The following CFAP46 variants were observed in gnomAD, a reference collection of about 807,000 sequenced individuals.
CFAP46 encodes cilia and flagella associated protein 46.
A neutral mutation model predicts 325.7 loss-of-function variants in CFAP46; 245 were observed. The ratio of observed to expected loss-of-function variants is 0.75; its 90% CI spans 0.68 to 0.84. The LOEUF (loss-of-function observed/expected upper bound fraction) is 0.84. CFAP46 is among the 40% of genes least tolerant of loss of function. CFAP46 has a pLI of 0.00. For missense variants in CFAP46, 3,346 were observed against 3,543.0 expected, an observed-to-expected ratio of 0.94 and a Z score of 1.41; for synonymous variants, 1,523 against 1,495.9, an observed-to-expected ratio of 1.02 and a Z score of -0.42.
At chr10:132,860,172 A>G (rs1342335334) in intron 37 of CFAP46, among the ~76,000 whole-genome samples, 1 of 152,246 alleles carries the variant, frequency 6.6e-6, no homozygotes. Flanking sequence ...AAGGCCCTGA[A>G]GTTGACTTTC....
intron 39 of CFAP46, among the ~76,000 whole-genome samples, chr10:132,854,296 T>A (rs1183230275): frequency 6.6e-6 from 1 of 151,962 alleles, no homozygotes; most frequent in Non-Finnish European, 1.5e-5. Flanking sequence ...TTCAAATCTT[T>A]GGCATTTCGT....
Position 132,890,278 on chromosome 10 carries a change from C to T in CFAP46, c.3304+2055G>A, listed in dbSNP as rs189361747. Among the ~76,000 whole-genome samples, 284 of 152,278 alleles carry T rather than the reference C, an allele frequency of 1.9e-3. 1 individual carries two copies. The highest frequency in any genetic ancestry group is 6.5e-3 in the African/African-American group (270 of 41,538). ...CTGAAGGGGTCTGGGCTGCCTTCTGCCTCCCCAGTGCCCTGATCCACATCT... is the reference window on the plus strand; with the variant it reads ...CTGAAGGGGTCTGGGCTGCCTTCTGTCTCCCCAGTGCCCTGATCCACATCT... On this transcript the variant is annotated intron_variant, in intron 25 of 57. Transcript: ENST00000368586.
At chr10:132,927,041 A>C (rs1849821894) in intron 9 of CFAP46, among the ~76,000 whole-genome samples, 1 of 151,756 alleles carries the variant, frequency 6.6e-6, no homozygotes, top group Non-Finnish European at 1.5e-5. Context: ...GAAGAAGGGC[A>C]CTCTACCTCT....
At chr10:132,829,537 C>T (rs1037108622) in intron 50 of CFAP46, among the ~76,000 whole-genome samples, 3 of 152,210 alleles carry the variant, frequency 2.0e-5, no homozygotes, top group African/African-American at 7.2e-5. Context: ...TTCTTCCTGC[C>T]TCTCTACTCC....
In CFAP46 at chr10:132,922,718, T is replaced by G; in HGVS notation, c.1257-10A>C. The G allele has an allele frequency of 6.5e-7, 1 of 1,541,342 alleles. No homozygotes were observed. The highest frequency in any genetic ancestry group is 8.8e-7 in the Non-Finnish European group (1 of 1,140,102). ...GAGAAGCGTCATGAGGCTGCGGGGG[T>G]GGCGTGGCATCAGGGGCCCTGGCGG... is the stretch of plus-strand genomic sequence containing the variant. On this transcript the variant is annotated splice_polypyrimidine_tract_variant and intron_variant, in intron 11 of 57. Coordinates refer to ENST00000368586, the MANE Select transcript of CFAP46 (RefSeq NM_001200049.3).
intron 17 of CFAP46, among the ~76,000 whole-genome samples, chr10:132,914,852 C>T (rs1280852243): frequency 1.3e-5 from 2 of 152,234 alleles, no homozygotes; most frequent in South Asian, 4.1e-4. Context: ...ACTGCAGCTC[C>T]CTTGAGCCTC....
At chr10:132,907,745 G>A (rs1344986436) in intron 22 of CFAP46, among the ~76,000 whole-genome samples, 3 of 152,172 alleles carry the variant, frequency 2.0e-5, no homozygotes, top group Non-Finnish European at 2.9e-5. Flanking sequence ...GGTGGCCTTT[G>A]ATGGCCTTTG....
At chr10:132,826,871 A>C (rs117496442) in intron 50 of CFAP46, among the ~76,000 whole-genome samples, 2,118 of 152,248 alleles carry the variant, frequency 0.014, 20 homozygotes, top group South Asian at 0.046. Context: ...GTGAGGTGAT[A>C]AAAGGCCCTG....
chr10:132,912,937 C>T, intron 18 of CFAP46, 109 bp downstream of exon 18: 1 of 1,487,552 alleles, frequency 6.7e-7, no homozygotes. Context: ...CCACGACCCT[C>T]CTCTGCTGGG....
At position 132,877,100 on chromosome 10, in the gene CFAP46, G is replaced by C. The variant is rs1003772736; in HGVS notation, c.4213-139C>G. Reference sequence around the variant, plus strand: ...ATCCTCCCCACCACCAGGTCCCAGCGAGTGCCCAGATCCAGCCTCTGATAC... The same window carrying C: ...ATCCTCCCCACCACCAGGTCCCAGCCAGTGCCCAGATCCAGCCTCTGATAC... On this transcript the variant is annotated intron_variant, in intron 30 of 57. Transcript: ENST00000368586. The surrounding 1 kb of genome is among the most constrained non-coding windows in gnomAD (Gnocchi z 5.7). 1.3e-6 allele frequency: 1 copy of C among 782,278 alleles called. No individual in the cohort carries two copies. Among genetic ancestry groups the C allele is most frequent in the African/African-American group, 1.7e-5 (1 of 57,170 alleles). 48.5% of individuals were successfully genotyped at this position (782,278 alleles called of 1,614,324 possible).
At chr10:132,941,900 C>A in intron 2 of CFAP46, 80 bp downstream of exon 2, 1 of 1,530,518 alleles carries the variant, frequency 6.5e-7, no homozygotes, top group Non-Finnish European at 8.8e-7. Flanking sequence ...CCCAGCCCCA[C>A]TCTGCATCCG....
intron 19 of CFAP46, among the ~76,000 whole-genome samples, 197 bp downstream of exon 19, chr10:132,912,451 CTCTCTCT>C (rs1278755441): frequency 6.9e-6 from 1 of 144,208 alleles, no homozygotes; most frequent in African/African-American, 2.6e-5. Context: ...TCTCCTCTCT[CTCTCTCT>C]TCACCTCTCT....
intron 34 of CFAP46, 116 bp from the exon 35 acceptor site, chr10:132,866,287 A>C (rs2135275599): frequency 9.1e-7 from 1 of 1,103,404 alleles, no homozygotes; most frequent in Non-Finnish European, 1.2e-6. Flanking sequence ...ACACCACACC[A>C]AGGGCTCCCT....
Position 132,828,322 on chromosome 10 carries a change from G to A in CFAP46, c.7117+5036C>T, listed in dbSNP as rs1475126770. ...CCAGCATTCACCATTCCCACCAGCC[G>A]AGTATGAGGGTTCCGGTTCCACACC... On this transcript the variant is annotated intron_variant, in intron 50 of 57. Transcript: ENST00000368586. The surrounding 1 kb of genome is among the most constrained non-coding windows in gnomAD (Gnocchi z 4.9). Among the ~76,000 whole-genome samples, 5 of 152,312 alleles carry A rather than the reference G, an allele frequency of 3.3e-5. No individual in the cohort carries two copies. The highest frequency in any genetic ancestry group is 2.1e-4 in the South Asian group (1 of 4,824).
At chr10:132,911,562 A>C (rs927060422) in intron 19 of CFAP46, among the ~76,000 whole-genome samples, 2 of 152,178 alleles carry the variant, frequency 1.3e-5, no homozygotes, top group African/African-American at 2.4e-5. Context: ...CCCTTGACTC[A>C]TTAGGAAACC....
At position 132,863,343 on chromosome 10, in the gene CFAP46, T is replaced by C. The variant is rs182398558; in HGVS notation, c.4891-2361A>G. 5.9e-5 allele frequency among the ~76,000 whole-genome samples: 9 copies of C among 152,232 alleles called. No homozygotes were observed. The East Asian group carries it at 1.5e-3, about 26-fold the overall frequency. ...AGGAGCTCTTCCACACCTCCAGCCC[T>C]GCGGCCCCAGCAGAGGCTGGCCCTC... On this transcript the variant is annotated intron_variant, in intron 35 of 57. Coordinates refer to ENST00000368586, the MANE Select transcript of CFAP46 (RefSeq NM_001200049.3).
chr10:132,854,019 C>T (rs1460387181), intron 39 of CFAP46, among the ~76,000 whole-genome samples: 3 of 152,126 alleles, frequency 2.0e-5, no homozygotes, highest in African/African-American at 7.2e-5. Context: ...TCGATTGCCC[C>T]TCAGATCTTT....
intron 37 of CFAP46, among the ~76,000 whole-genome samples, 160 bp downstream of exon 37, chr10:132,860,257 C>T (rs1272092093): frequency 2.0e-5 from 3 of 152,252 alleles, no homozygotes; most frequent in African/African-American, 7.2e-5. Flanking sequence ...CAGGAAACTT[C>T]TGGAGCTTTC....
rs1201301207 is a variant in CFAP46 at position 132,833,485 on chromosome 10, G to A, written c.6990C>T (p.Val2330=). 32 of 1,613,932 alleles carry A rather than the reference G, an allele frequency of 2.0e-5. No homozygotes were observed. In the East Asian group the frequency reaches 3.3e-4, roughly 17 times the overall value. The change falls in exon 50 of 58, where the codon GTC becomes GTT. Residue 2330 remains valine (V), a synonymous_variant. Coordinates refer to ENST00000368586, the MANE Select transcript of CFAP46 (RefSeq NM_001200049.3). ...QPEVADKIVL[V]ADRHLLELPL... is the part of the protein sequence containing the mutation. ...GCAGCTCCAGGAGATGTCTGTCTGC[G>A]ACCAGGACTATCTTATCGGCAACCT...
Sources: allele counts gnomAD v4.1 joint callset (sites outside exome capture counted in the v4.1 genomes callset), GRCh38; gene constraint gnomAD v4.1.1; non-coding constraint Gnocchi (gnomAD v3.1); transcripts MANE v1.5; gene names NCBI Gene and HGNC (gene_info 2026-07-23, HGNC 2026-07-21).